The following BCL6B variants were observed in gnomAD, a reference collection of about 807,000 sequenced individuals.
The protein encoded by BCL6B is BCL6B transcription repressor.
A neutral mutation model predicts 44.6 loss-of-function variants in BCL6B; 28 were observed. The ratio of observed to expected loss-of-function variants is 0.63; its 90% CI spans 0.47 to 0.86. The LOEUF is 0.86. Ranked by LOEUF, BCL6B falls within the 40% of genes least tolerant of loss-of-function variation. The probability of loss-of-function intolerance (pLI) is 0.00; values close to 1 mark genes in which losing one functional copy is unlikely to be tolerated. For synonymous variants in BCL6B, 268 were observed against 263.6 expected, an observed-to-expected ratio of 1.02 and a Z score of -0.16; for missense variants, 626 against 652.3, an observed-to-expected ratio of 0.96 and a Z score of 0.44.
chr17:7,024,769 G>C lies in BCL6B; in HGVS notation c.764+6G>C. 1 of 1,602,382 alleles carries C rather than the reference G, an allele frequency of 6.2e-7. No individual in the cohort carries two copies. On this transcript the variant is annotated splice_donor_region_variant and intron_variant, in intron 4 of 8. Transcript: ENST00000293805. This position sits in a 1 kb window ranked among gnomAD's most constrained non-coding sequence, Gnocchi z 6.6. Reference sequence around the variant, plus strand: ...ATTCCTGGTCCCCAGAGCAGGTACAGAGTCTAGAACCTCAAGAATTTGTCA... The same window carrying C: ...ATTCCTGGTCCCCAGAGCAGGTACACAGTCTAGAACCTCAAGAATTTGTCA...
rs976732381 is a variant in BCL6B at position 7,029,613 on chromosome 17, G to A, written c.*1994G>A. 41 of 1,182,706 alleles carry A rather than the reference G, an allele frequency of 3.5e-5. No individual in the cohort carries two copies. The African/African-American group carries it at 6.1e-4, about 18-fold the overall frequency. 73.3% of individuals were successfully genotyped at this position (1,182,706 alleles called of 1,614,324 possible). On this transcript the variant is annotated 3_prime_UTR_variant, in exon 9 of 9. Coordinates refer to ENST00000293805, the MANE Select transcript of BCL6B (RefSeq NM_181844.4). Reference sequence around the variant, plus strand: ...AGAAATGTTAGATCTTGCAACATCAGATCCTTGGAATAAAGAAGCCTCTCT... The same window carrying A: ...AGAAATGTTAGATCTTGCAACATCAAATCCTTGGAATAAAGAAGCCTCTCT...
In BCL6B at chr17:7,024,251, C is replaced by G. The variant is rs1487082231; in HGVS notation, c.348C>G (p.Thr116=). 1 of 1,613,810 alleles carries G rather than the reference C, an allele frequency of 6.2e-7. No homozygotes were observed. Among genetic ancestry groups the G allele is most frequent in the Non-Finnish European group, 8.5e-7 (1 of 1,180,034 alleles). The part of the protein sequence containing the change: ...ATAPAVLAAA[T]YLQMEHVVQA... Reference sequence around the variant, plus strand: ...CACCAGCAGTCCTAGCGGCCGCCACCTATTTGCAGATGGAGCACGTGGTCC... The same window carrying G: ...CACCAGCAGTCCTAGCGGCCGCCACGTATTTGCAGATGGAGCACGTGGTCC... Residue 116 remains threonine (T), a synonymous_variant, in exon 3 of 9, where the codon ACC becomes ACG. Transcript: ENST00000293805. This position sits in a 1 kb window ranked among gnomAD's most constrained non-coding sequence, Gnocchi z 6.6.
chr17:7,029,348 C>G lies in BCL6B; in HGVS notation c.*1729C>G. 1.0e-6 allele frequency: 1 copy of G among 991,812 alleles called. No homozygotes were observed. Among genetic ancestry groups the G allele is most frequent in the Non-Finnish European group, 1.2e-6 (1 of 834,448 alleles). 61.4% of individuals were successfully genotyped at this position (991,812 alleles called of 1,614,324 possible). ...CCCTGGGGCTTATCTGATTATGGGACGAGGGTAGAAAGTAAGAAGCACTTT... is the reference window on the plus strand; with the variant it reads ...CCCTGGGGCTTATCTGATTATGGGAGGAGGGTAGAAAGTAAGAAGCACTTT... On this transcript the variant is annotated 3_prime_UTR_variant, in exon 9 of 9. Transcript: ENST00000293805.
Position 7,028,202 on chromosome 17 carries a change from G to GA in BCL6B, c.*588dup. ...TTTGCTTGTTAGTTTGTTTAAAATGGAAAAAGGGGTTCTCTGTGTTCTGCC... is the reference window on the plus strand; with the variant it reads ...TTTGCTTGTTAGTTTGTTTAAAATGGAAAAAAGGGGTTCTCTGTGTTCTGCC... On this transcript the variant is annotated 3_prime_UTR_variant, in exon 9 of 9. Transcript: ENST00000293805. The GA allele has an allele frequency of 1.0e-6, 1 of 985,774 alleles. No individual in the cohort carries two copies. The highest frequency in any genetic ancestry group is 1.2e-6 in the Non-Finnish European group (1 of 830,242). The allele number at this position is 985,774 out of a possible 1,614,324, so 61.1% of individuals were successfully genotyped here. A position where few individuals can be genotyped will look rare whatever the true frequency, so the allele number is the denominator to read the frequency against.
Position 7,023,829 on chromosome 17 carries a change from A to C in BCL6B, c.158A>C (p.Lys53Thr). Residue 53 changes from lysine (K) to threonine (T), a missense_variant, in exon 2 of 9, where the codon AAG (lysine) becomes ACG (threonine). Coordinates refer to ENST00000293805, the MANE Select transcript of BCL6B (RefSeq NM_181844.4). ...GGCGGGCAACCCCTCAGAGCACACA[A>C]GGCAGTTCTCATCGCCTGCAGGTTC... ...LVGGQPLRAH[K>T]AVLIACSGFF... 1.4e-6 allele frequency: 2 copies of C among 1,410,718 alleles called. No individual in the cohort carries two copies. The highest frequency in any genetic ancestry group is 1.9e-6 in the Non-Finnish European group (2 of 1,050,274). 87.4% of individuals were successfully genotyped at this position (1,410,718 alleles called of 1,614,324 possible).
At chr17:7,023,981 T>C in intron 2 of BCL6B, 102 bp from the exon 3 acceptor site, 6 of 1,522,188 alleles carry the variant, frequency 3.9e-6, no homozygotes, top group Middle Eastern at 2.3e-4. Flanking sequence ...GGCGGGGTGA[T>C]AGTGAGGAGG....
At chr17:7,023,555 C>A in intron 1 of BCL6B, 105 bp from the exon 2 acceptor site, 1 of 1,141,810 alleles carries the variant, frequency 8.8e-7, no homozygotes, top group Non-Finnish European at 1.2e-6. Flanking sequence ...GGGCTAGGGG[C>A]TGGAAGTCCT....
chr17:7,027,145 G>A (rs1315154643), intron 8 of BCL6B, 58 bp downstream of exon 8: 7 of 1,603,496 alleles, frequency 4.4e-6, no homozygotes, highest in African/African-American at 1.3e-5. Flanking sequence ...TTGCCTAGGG[G>A]TGGGCTCTGA....
rs754062790 is a variant in BCL6B at position 7,024,147 on chromosome 17, G to A, written c.244G>A (p.Gly82Arg). ...CGGGGTGGACGTGCTCTCTCTGCCC[G>A]GGGGTCCCGAAGCGAGAGGCTTCGC... Reference protein sequence around the residue: ...GVGVDVLSLPGGPEARGFAPL... With the variant: ...GVGVDVLSLPRGPEARGFAPL... The change falls in exon 3 of 9, where the codon GGG becomes AGG. Residue 82 changes from glycine to arginine, a missense_variant. Gly to Arg is a moderately radical substitution (Grantham distance 125, BLOSUM62 -2). Transcript: ENST00000293805. The surrounding 1 kb of genome is among the most constrained non-coding windows in gnomAD (Gnocchi z 6.6). 6 of 1,613,828 alleles carry A rather than the reference G, an allele frequency of 3.7e-6. No individual in the cohort carries two copies. The highest frequency in any genetic ancestry group is 5.1e-6 in the Non-Finnish European group (6 of 1,180,020).
In BCL6B at chr17:7,024,928, A is replaced by C; in HGVS notation, c.765-148A>C. On this transcript the variant is annotated intron_variant, in intron 4 of 8. Transcript: ENST00000293805. The surrounding 1 kb of genome is among the most constrained non-coding windows in gnomAD (Gnocchi z 6.6). ...GACCAGGTTTATTCAGCAGGGTGGC[A>C]CTTGGGCAGTACAATGGATGTGGCT... is the stretch of plus-strand genomic sequence containing the variant. The C allele has an allele frequency of 6.8e-7, 1 of 1,473,348 alleles. No homozygotes were observed. The highest frequency in any genetic ancestry group is 9.0e-7 in the Non-Finnish European group (1 of 1,106,438). 91.3% of individuals were successfully genotyped at this position (1,473,348 alleles called of 1,614,324 possible). A position where few individuals can be genotyped will look rare whatever the true frequency, so the allele number is the denominator to read the frequency against.
chr17:7,027,437 G>C, intron 8 of BCL6B, 66 bp from the exon 9 acceptor site: 1 of 1,579,394 alleles, frequency 6.3e-7, no homozygotes, highest in Non-Finnish European at 8.7e-7. Flanking sequence ...CTGGACGGCC[G>C]CCCGGCTCAA....
At chr17:7,027,162 C>T (rs541639358) in intron 8 of BCL6B, 75 bp downstream of exon 8, 6 of 1,563,874 alleles carry the variant, frequency 3.8e-6, no homozygotes, top group African/African-American at 1.4e-5. Context: ...CTGAGAGGTG[C>T]GGGCCTGGCT....
chr17:7,023,959 C>A (rs1227612950), intron 2 of BCL6B, 109 bp downstream of exon 2: 4 of 1,533,122 alleles, frequency 2.6e-6, no homozygotes, highest in African/African-American at 1.4e-5. Context: ...GGCGGAGCGT[C>A]CCAGAATTGG....
At position 7,024,538 on chromosome 17, in the gene BCL6B, GC is replaced by G; in HGVS notation, c.546del (p.Ser183ValfsTer20). ...ACTGAATCTCGAAGCTGCAGTCAAGGCCCCCCCAGTCCAGCCAGCCCTGACC... is the reference window on the plus strand; with the variant it reads ...ACTGAATCTCGAAGCTGCAGTCAAGGCCCCCCAGTCCAGCCAGCCCTGACC... ...PPTESRSCSQ[G>X]PPSPASPDPK... is the part of the protein sequence containing the mutation. On this transcript the variant is annotated frameshift_variant, in exon 4 of 9. Coordinates refer to ENST00000293805, the MANE Select transcript of BCL6B (RefSeq NM_181844.4). LOFTEE classifies it high-confidence loss of function. The surrounding 1 kb of genome is among the most constrained non-coding windows in gnomAD (Gnocchi z 6.6). 1.2e-6 allele frequency: 2 copies of G among 1,613,700 alleles called. No individual in the cohort carries two copies. The highest frequency in any genetic ancestry group is 2.2e-5 in the East Asian group (1 of 44,860).
In BCL6B at chr17:7,023,704, G is replaced by C; in HGVS notation, c.33G>C (p.Leu11=). The C allele has an allele frequency of 6.2e-7, 1 of 1,613,054 alleles. No individual in the cohort carries two copies. Among genetic ancestry groups the C allele is most frequent in the Non-Finnish European group, 8.5e-7 (1 of 1,179,998 alleles). The change falls in exon 2 of 9, where the codon CTG becomes CTC. Residue 11 remains leucine, a synonymous_variant. Transcript: ENST00000293805. ...CCCCCGCCGCCCCGGAGGGAGCGCT[G>C]GGCTACGTCCGCGAGTTCACTCGCC... is the stretch of plus-strand genomic sequence containing the variant. MGSPAAPEGA[L]GYVREFTRHS... is the part of the protein sequence containing the mutation.
rs1017285870 is a variant in BCL6B, at chr17:7,025,132, C to G, written c.821C>G (p.Pro274Arg). The G allele has an allele frequency of 6.2e-7, 1 of 1,614,046 alleles. No homozygotes were observed. The highest frequency in any genetic ancestry group is 1.3e-5 in the African/African-American group (1 of 74,906). Reference protein sequence around the residue: ...QFKCGAPASTPYLLTSQAQDT... With the variant: ...QFKCGAPASTRYLLTSQAQDT... ...AAATGTGGGGCTCCAGCCAGTACCC[C>G]CTACCTCCTCACATCCCAGGCTCAA... The change falls in exon 5 of 9, where the codon CCC becomes CGC. Residue 274 changes from proline to arginine, a missense_variant. Physicochemically the swap from Pro to Arg is moderately radical, Grantham distance 103. Coordinates refer to ENST00000293805, the MANE Select transcript of BCL6B (RefSeq NM_181844.4).
In BCL6B at chr17:7,025,166, T is replaced by C. The variant is rs1910248656; in HGVS notation, c.855T>C (p.Ser285=). ...TCACATCCCAGGCTCAAGACACCTC[T>C]GGATCACCCTCTGAACGGGCTCGTC... ...YLLTSQAQDT[S]GSPSERARPL... Residue 285 remains serine (S), a synonymous_variant, in exon 5 of 9, where the codon TCT becomes TCC. Transcript: ENST00000293805. 6.2e-7 allele frequency: 1 copy of C among 1,614,094 alleles called. No homozygotes were observed. The highest frequency in any genetic ancestry group is 8.5e-7 in the Non-Finnish European group (1 of 1,180,042).
At position 7,027,000 on chromosome 17, in the gene BCL6B, C is replaced by T. The variant is rs1359364092; in HGVS notation, c.1236C>T (p.Tyr412=). The T allele has an allele frequency of 1.2e-6, 2 of 1,613,706 alleles. No individual in the cohort carries two copies. The highest frequency in any genetic ancestry group is 1.7e-6 in the Non-Finnish European group (2 of 1,180,018). ...HVLIHTGEKP[Y]PCPTCGTRFR... ...TGATCCACACCGGGGAGAAGCCCTA[C>T]CCTTGCCCTACCTGCGGAACCCGCT... The change falls in exon 8 of 9, where the codon TAC becomes TAT. Residue 412 remains tyrosine, a synonymous_variant. Coordinates refer to ENST00000293805, the MANE Select transcript of BCL6B (RefSeq NM_181844.4).
chr17:7,025,266 T>A, intron 5 of BCL6B, 66 bp downstream of exon 5: 1 of 1,590,130 alleles, frequency 6.3e-7, no homozygotes, highest in Non-Finnish European at 8.6e-7. Context: ...CCAAAAACTC[T>A]CCCAGAAAGG....
Sources: allele counts gnomAD v4.1 joint callset, GRCh38; gene constraint gnomAD v4.1.1; non-coding constraint Gnocchi (gnomAD v3.1); transcripts MANE v1.5; gene names NCBI Gene and HGNC (gene_info 2026-07-23, HGNC 2026-07-21).